The following LUZP1 variants were observed in gnomAD, a reference collection of about 807,000 sequenced individuals.
The protein encoded by LUZP1 is filamin mechanobinding actin cross-linking protein.
In LUZP1, 25 loss-of-function variants were observed where a neutral mutation model predicts 71.3. That is an observed-to-expected ratio of 0.35 (90% CI 0.26 to 0.49). The LOEUF is 0.49. Among genes scored for constraint, LUZP1 ranks in the 20% least tolerant of loss-of-function variants. LUZP1 has a pLI of 0.99. For missense variants in LUZP1, 1,142 were observed against 1,300.8 expected, an observed-to-expected ratio of 0.88 and a Z score of 1.88; for synonymous variants, 481 against 506.4, an observed-to-expected ratio of 0.95 and a Z score of 0.67.
At chr1:23,114,663 C>A (rs1644063391) in intron 2 of LUZP1, among the ~76,000 whole-genome samples, 1 of 152,228 alleles carries the variant, frequency 6.6e-6, no homozygotes, top group Non-Finnish European at 1.5e-5. Flanking sequence ...CTCCTCCCAA[C>A]CCCACTTGCC....
rs151240560 is a variant in LUZP1, at chr1:23,092,828, G to A, written c.1434C>T (p.Pro478=). The A allele has an allele frequency of 3.7e-6, 6 of 1,613,896 alleles. No homozygotes were observed. The Admixed American group carries it at 6.7e-5, about 18-fold the overall frequency. ...CTTTACTGTGCTCCTGAGCAGCCGGGGGGTAGCGACTCAGCACTGAGGGCT... is the reference window on the plus strand; with the variant it reads ...CTTTACTGTGCTCCTGAGCAGCCGGAGGGTAGCGACTCAGCACTGAGGGCT... The change falls in exon 4 of 5, where the codon CCC becomes CCT. Residue 478 remains proline, a synonymous_variant. Transcript: ENST00000302291.
intron 3 of LUZP1, among the ~76,000 whole-genome samples, chr1:23,099,922 G>A (rs967313123): frequency 4.6e-5 from 7 of 151,984 alleles, no homozygotes; most frequent in African/African-American, 2.4e-5. Context: ...CTACATCCTC[G>A]CCCTCCCTCT....
intron 2 of LUZP1, among the ~76,000 whole-genome samples, chr1:23,147,759 C>A (rs1388825678): frequency 6.6e-6 from 1 of 151,768 alleles, no homozygotes; most frequent in African/African-American, 2.4e-5. Flanking sequence ...TCCATGTAAA[C>A]AAGTATCTAA....
chr1:23,166,585 G>A (rs1644511365), intron 2 of LUZP1, among the ~76,000 whole-genome samples: 1 of 149,864 alleles, frequency 6.7e-6, no homozygotes, highest in Admixed American at 6.7e-5. Flanking sequence ...AACATGAGAG[G>A]CGGAGGTTGC....
intron 3 of LUZP1, among the ~76,000 whole-genome samples, chr1:23,107,285 T>C (rs1643990323): frequency 6.6e-6 from 1 of 152,224 alleles, no homozygotes; most frequent in Non-Finnish European, 1.5e-5. Flanking sequence ...GCATGTACTA[T>C]CTAGTGGATG....
At chr1:23,117,175 C>G (rs1454250293) in intron 2 of LUZP1, among the ~76,000 whole-genome samples, 1 of 152,116 alleles carries the variant, frequency 6.6e-6, no homozygotes, top group African/African-American at 2.4e-5. Context: ...GCCTGCTGCC[C>G]TGGCAACATG....
At chr1:23,122,447 C>T (rs1489715801) in intron 2 of LUZP1, among the ~76,000 whole-genome samples, 5 of 152,204 alleles carry the variant, frequency 3.3e-5, no homozygotes. Flanking sequence ...TCTGCTCAGA[C>T]CAGCAGCATG....
intron 2 of LUZP1, among the ~76,000 whole-genome samples, chr1:23,147,968 T>A (rs1644356416): frequency 6.6e-6 from 1 of 152,246 alleles, no homozygotes; most frequent in Non-Finnish European, 1.5e-5. Flanking sequence ...ATTGTGTTTC[T>A]TATGTGTAGT....
At chr1:23,177,908 A>T (rs1427961011), upstream of LUZP1, 1 of 152,350 alleles carries the variant, frequency 6.6e-6, no homozygotes, top group Non-Finnish European at 1.5e-5. Flanking sequence ...AGGGCCTGGC[A>T]GGCCTGGTTC....
chr1:23,161,057 G>A (rs1191142564), intron 2 of LUZP1, among the ~76,000 whole-genome samples: 1 of 152,098 alleles, frequency 6.6e-6, no homozygotes, highest in Non-Finnish European at 1.5e-5. Flanking sequence ...CAGCATAAGA[G>A]GAAAGGACAA....
chr1:23,106,351 C>G (rs906374476), intron 3 of LUZP1, among the ~76,000 whole-genome samples: 18 of 152,124 alleles, frequency 1.2e-4, no homozygotes, highest in African/African-American at 4.3e-4. Flanking sequence ...GCCTATAATC[C>G]TAGCGCACTT....
At position 23,093,477 on chromosome 1, in the gene LUZP1, T is replaced by A. The variant is rs1332622135; in HGVS notation, c.785A>T (p.Asp262Val). Residue 262 changes from aspartate to valine, a missense_variant, in exon 4 of 5, where the codon GAC (aspartate) becomes GTC (valine). Physicochemically the swap from Asp to Val is radical, Grantham distance 152. Coordinates refer to ENST00000302291, the Ensembl canonical transcript of LUZP1. The surrounding 1 kb of genome is among the most constrained non-coding windows in gnomAD (Gnocchi z 4.2). ...TTCATTCTCTACCTGCTTTAGGTAG[T>A]CCAGACCACCCTTCCTTCTTGATTC... The A allele has an allele frequency of 6.2e-7, 1 of 1,612,910 alleles. No individual in the cohort carries two copies. Among genetic ancestry groups the A allele is most frequent in the Non-Finnish European group, 8.5e-7 (1 of 1,179,764 alleles).
At chr1:23,110,213 C>A (rs1644016863) in intron 2 of LUZP1, among the ~76,000 whole-genome samples, 1 of 152,114 alleles carries the variant, frequency 6.6e-6, no homozygotes, top group Non-Finnish European at 1.5e-5. Context: ...CCTGAACCAC[C>A]CAATATCAAT....
exon 4 of LUZP1, chr1:23,091,699 G>A: frequency 6.2e-7 from 1 of 1,614,092 alleles, no homozygotes; most frequent in Non-Finnish European, 8.5e-7. Context: ...GCTTCTGCAA[G>A]CTGCAGGGTG....
chr1:23,101,520 A>C (rs1413380244), intron 3 of LUZP1, among the ~76,000 whole-genome samples: 1 of 152,204 alleles, frequency 6.6e-6, no homozygotes, highest in East Asian at 1.9e-4. Flanking sequence ...AAAATAAAAG[A>C]ATATCAACTA....
At chr1:23,115,208 T>A (rs1361944223) in intron 2 of LUZP1, among the ~76,000 whole-genome samples, 1 of 152,236 alleles carries the variant, frequency 6.6e-6, no homozygotes, top group Non-Finnish European at 1.5e-5. Flanking sequence ...TCTCCCAGAA[T>A]AACTTTTTAA....
chr1:23,122,340 T>C (rs1644136763), intron 2 of LUZP1, among the ~76,000 whole-genome samples: 1 of 152,228 alleles, frequency 6.6e-6, no homozygotes, highest in South Asian at 2.1e-4. Context: ...AAAGTCATAC[T>C]TAGGGTACCA....
chr1:23,137,922 T>G (rs9426803), intron 2 of LUZP1, among the ~76,000 whole-genome samples: 49,549 of 152,056 alleles, frequency 0.33, 8,475 homozygotes, highest in East Asian at 0.45. Flanking sequence ...CAGCCAAAAA[T>G]TGAAAAATGT....
intron 3 of LUZP1, among the ~76,000 whole-genome samples, chr1:23,097,730 T>TC (rs1410520022): frequency 1.3e-5 from 2 of 152,160 alleles, no homozygotes; most frequent in Non-Finnish European, 2.9e-5. Context: ...TAGTCCCAGC[T>TC]ACTTGGTAGG....
Sources: allele counts gnomAD v4.1 joint callset (sites outside exome capture counted in the v4.1 genomes callset), GRCh38; gene constraint gnomAD v4.1.1; non-coding constraint Gnocchi (gnomAD v3.1); transcripts MANE v1.5; gene names NCBI Gene and HGNC (gene_info 2026-07-23, HGNC 2026-07-21).